ZCCHC2: variants seen among roughly 807,000 people sequenced by gnomAD.
ZCCHC2 encodes zinc finger CCHC domain-containing protein 2.
A neutral mutation model predicts 103.6 loss-of-function variants in ZCCHC2; 39 were observed. The observed-to-expected ratio is 0.38, with a 90% confidence interval of 0.29 to 0.49. The LOEUF is 0.49. Ranked by LOEUF, ZCCHC2 falls within the 20% of genes least tolerant of loss-of-function variation. The pLI, the probability that ZCCHC2 is intolerant of heterozygous loss-of-function variation, is 0.96. For synonymous variants in ZCCHC2, 687 were observed against 608.9 expected (o/e 1.13, Z -1.89); for missense variants, 1,483 against 1,491.0 (o/e 0.99, Z 0.09).
chr18:62,531,274 G>A (rs935971763), intron 1 of ZCCHC2, among the ~76,000 whole-genome samples: 5 of 152,150 alleles, frequency 3.3e-5, no homozygotes, highest in African/African-American at 1.2e-4. Flanking sequence ...GTGCCTAATC[G>A]GGTGTTTATG....
At position 62,574,709 on chromosome 18, in the gene ZCCHC2, A is replaced by G. The variant is rs1467546162; in HGVS notation, c.2628A>G (p.Val876=). ...TCACAAAATCTGCATCCCAAGTGGT[A>G]GGACTCAATCAAATGGTGCCTCAAA... The part of the protein sequence containing the change: ...DPITKSASQV[V]GLNQMVPQIE... The change falls in exon 13 of 14, where the codon GTA becomes GTG. Residue 876 remains valine (V), a synonymous_variant. Coordinates refer to ENST00000269499, the MANE Select transcript of ZCCHC2 (RefSeq NM_017742.6). 1 of 1,614,010 alleles carries G rather than the reference A, an allele frequency of 6.2e-7. No individual in the cohort carries two copies. The highest frequency in any genetic ancestry group is 8.5e-7 in the Non-Finnish European group (1 of 1,179,888).
intron 1 of ZCCHC2, among the ~76,000 whole-genome samples, chr18:62,531,032 T>A (rs2145486883): frequency 6.6e-6 from 1 of 152,326 alleles, no homozygotes; most frequent in South Asian, 2.1e-4. Flanking sequence ...TCACTTAATA[T>A]TTTTCTCTTG....
intron 13 of ZCCHC2, among the ~76,000 whole-genome samples, chr18:62,576,228 C>T (rs1353803120): frequency 2.6e-5 from 4 of 152,108 alleles, no homozygotes; most frequent in African/African-American, 9.7e-5. Flanking sequence ...TGCATTTGAC[C>T]TTTGTCGTTT....
In ZCCHC2 at chr18:62,524,380, C is replaced by A; in HGVS notation, c.939+17C>A. 1.4e-6 allele frequency: 2 copies of A among 1,458,460 alleles called. No individual in the cohort carries two copies. Among genetic ancestry groups the A allele is most frequent in the Admixed American group, 2.6e-5 (1 of 38,410 alleles). The allele number at this position is 1,458,460 out of a possible 1,614,324, so 90.3% of individuals were successfully genotyped here. On this transcript the variant is annotated intron_variant, in intron 1 of 13. Transcript: ENST00000269499. ...AGGGCCCAGGTAAGGCGCACGGAGC[C>A]TCCCTGGACTCGCGGTGCGATCGCT...
At position 62,523,376 on chromosome 18, in the gene ZCCHC2, G is replaced by GGGGGGCCCC; in HGVS notation, c.-49_-48insGGGGGCCCC. 5.9e-5 allele frequency: 60 copies of GGGGGGCCCC among 1,012,300 alleles called. No homozygotes were observed. The highest frequency in any genetic ancestry group is 1.0e-4 in the East Asian group (1 of 9,832). 62.7% of individuals were successfully genotyped at this position (1,012,300 alleles called of 1,614,324 possible). A position where few individuals can be genotyped will look rare whatever the true frequency, so the allele number is the denominator to read the frequency against. ...GCCTCGGCCCGTGCTCCACCTCGCG[G>GGGGGGCCCC]CCCCTCCCGCCCGCCCCCGCTCGCA... On this transcript the variant is annotated 5_prime_UTR_variant, in exon 1 of 14. Coordinates refer to ENST00000269499, the MANE Select transcript of ZCCHC2 (RefSeq NM_017742.6).
downstream of ZCCHC2, among the ~76,000 whole-genome samples, chr18:62,582,511 C>G (rs1000375615): frequency 2.0e-5 from 3 of 151,980 alleles, no homozygotes; most frequent in Non-Finnish European, 2.9e-5. Context: ...AACCCCGAAT[C>G]TACCAAAAAC....
At chr18:62,524,487 C>G in intron 1 of ZCCHC2, 124 bp downstream of exon 1, 2 of 1,362,100 alleles carry the variant, frequency 1.5e-6, no homozygotes, top group Middle Eastern at 2.7e-4. Flanking sequence ...GAATCCCCAC[C>G]CGGCAGCTCC....
chr18:62,564,807 C>T (rs1916276338), intron 10 of ZCCHC2, among the ~76,000 whole-genome samples, 172 bp downstream of exon 10: 1 of 152,090 alleles, frequency 6.6e-6, no homozygotes, highest in Non-Finnish European at 1.5e-5. Context: ...AATAAAGCTA[C>T]TGTCAAATAT....
Position 62,576,674 on chromosome 18 carries a change from A to T in ZCCHC2, c.*95A>T. ...AAAGGTATTTTGTTTCTTTGTCTAT[A>T]CATTTCCTAGATTTCTATGCAGTTG... On this transcript the variant is annotated 3_prime_UTR_variant, in exon 14 of 14. Coordinates refer to ENST00000269499, the MANE Select transcript of ZCCHC2 (RefSeq NM_017742.6). The T allele has an allele frequency of 1.6e-6, 2 of 1,212,860 alleles. No homozygotes were observed. Among genetic ancestry groups the T allele is most frequent in the East Asian group, 2.5e-5 (1 of 39,484 alleles). 75.1% of individuals were successfully genotyped at this position (1,212,860 alleles called of 1,614,324 possible). A position where few individuals can be genotyped will look rare whatever the true frequency, so the allele number is the denominator to read the frequency against.
intron 11 of ZCCHC2, 105 bp from the exon 12 acceptor site, chr18:62,569,998 G>T: frequency 6.2e-6 from 7 of 1,132,692 alleles, no homozygotes; most frequent in Non-Finnish European, 7.3e-6. Flanking sequence ...ATGGTTGTGG[G>T]GAAACTGAAG....
At position 62,575,116 on chromosome 18, in the gene ZCCHC2, G is replaced by T; in HGVS notation, c.3035G>T (p.Cys1012Phe). The T allele has an allele frequency of 6.2e-7, 1 of 1,614,032 alleles. No homozygotes were observed. Among genetic ancestry groups the T allele is most frequent in the Non-Finnish European group, 8.5e-7 (1 of 1,179,896 alleles). The change falls in exon 13 of 14, where the codon TGT (cysteine) becomes TTT (phenylalanine). Residue 1012 changes from cysteine (C) to phenylalanine (F), a missense_variant. Around this residue, in one of 3 missense-constraint regions of ZCCHC2, gnomAD observed 884 missense variants for 907.5 expected, o/e 0.97. Coordinates refer to ENST00000269499, the MANE Select transcript of ZCCHC2 (RefSeq NM_017742.6). ...CCGCAGCAGATGGGCTCAGGTCCTT[G>T]TGGTTCTTGTGGGCGAAGGTGCAGC... ...VPPQQMGSGPCGSCGRRCSCG... is the reference protein window; with the variant it reads ...VPPQQMGSGPFGSCGRRCSCG...
chr18:62,545,040 T>A (rs537225886), intron 4 of ZCCHC2, among the ~76,000 whole-genome samples, 167 bp downstream of exon 4: 1 of 152,168 alleles, frequency 6.6e-6, no homozygotes, highest in African/African-American at 2.4e-5. Context: ...TAAAAATGTT[T>A]TCTTACCTGA....
Position 62,523,376 on chromosome 18 carries a change from G to GCGCCGCCCCC in ZCCHC2, c.-48_-47insGCCGCCCCCC. ...GCCTCGGCCCGTGCTCCACCTCGCGGCCCCTCCCGCCCGCCCCCGCTCGCA... is the reference window on the plus strand; with the variant it reads ...GCCTCGGCCCGTGCTCCACCTCGCGGCGCCGCCCCCCCCCTCCCGCCCGCCCCCGCTCGCA... On this transcript the variant is annotated 5_prime_UTR_variant, in exon 1 of 14. Transcript: ENST00000269499. 9.9e-7 allele frequency: 1 copy of GCGCCGCCCCC among 1,012,356 alleles called. No homozygotes were observed. Among genetic ancestry groups the GCGCCGCCCCC allele is most frequent in the Non-Finnish European group, 1.2e-6 (1 of 848,992 alleles). The allele number at this position is 1,012,356 out of a possible 1,614,324, so 62.7% of individuals were successfully genotyped here.
intron 6 of ZCCHC2, among the ~76,000 whole-genome samples, chr18:62,556,915 T>C (rs1428496583): frequency 6.6e-6 from 1 of 152,220 alleles, no homozygotes; most frequent in Non-Finnish European, 1.5e-5. Flanking sequence ...AAATTCCTGC[T>C]TGGTCTGAAA....
At chr18:62,537,017 A>G (rs941043992) in intron 1 of ZCCHC2, among the ~76,000 whole-genome samples, 59 of 151,902 alleles carry the variant, frequency 3.9e-4, no homozygotes, top group African/African-American at 1.4e-3. Context: ...TAAAATTCTC[A>G]TTTTCTCCTT....
rs74774799 is a variant in ZCCHC2, at chr18:62,543,777, A to T, written c.1129-1025A>T. On this transcript the variant is annotated intron_variant, in intron 3 of 13. Coordinates refer to ENST00000269499, the MANE Select transcript of ZCCHC2 (RefSeq NM_017742.6). The stretch of plus-strand genomic sequence containing the variant: ...TGATCACTGATGGAAATTCTTATAT[A>T]TTCACTTGGCTTTGATCTATCTCCT... 8.7e-3 allele frequency among the ~76,000 whole-genome samples: 1,327 copies of T among 152,216 alleles called. 20 individuals carry two copies. Among genetic ancestry groups the T allele is most frequent in the African/African-American group, 0.031 (1,273 of 41,524 alleles).
chr18:62,569,066 C>G (rs1916486127), intron 11 of ZCCHC2, among the ~76,000 whole-genome samples: 1 of 152,174 alleles, frequency 6.6e-6, no homozygotes, highest in South Asian at 2.1e-4. Flanking sequence ...GCAGTTTTCC[C>G]TTGACAGTTT....
rs886665697 is a variant in ZCCHC2, at chr18:62,577,981, G to C, written c.*1402G>C. 3.9e-5 allele frequency: 6 copies of C among 152,594 alleles called. No homozygotes were observed. The highest frequency in any genetic ancestry group is 1.2e-4 in the African/African-American group (5 of 41,416). 9.5% of individuals were successfully genotyped at this position (152,594 alleles called of 1,614,324 possible). A position where few individuals can be genotyped will look rare whatever the true frequency, so the allele number is the denominator to read the frequency against. ...AGAGCAGAAATGATAGATTTTTATT[G>C]TTTGGAGTAACGTTGGTATGCAGCA... On this transcript the variant is annotated 3_prime_UTR_variant, in exon 14 of 14. Coordinates refer to ENST00000269499, the MANE Select transcript of ZCCHC2 (RefSeq NM_017742.6).
At chr18:62,531,409 A>G (rs1300872066) in intron 1 of ZCCHC2, among the ~76,000 whole-genome samples, 1 of 152,146 alleles carries the variant, frequency 6.6e-6, no homozygotes, top group African/African-American at 2.4e-5. Flanking sequence ...TTTTGTGCTC[A>G]TTCAATAAGT....
Sources: allele counts gnomAD v4.1 joint callset (sites outside exome capture counted in the v4.1 genomes callset), GRCh38; gene constraint gnomAD v4.1.1; regional missense constraint gnomAD v4.1.1; transcripts MANE v1.5; gene names NCBI Gene and HGNC (gene_info 2026-07-23, HGNC 2026-07-21).